NALF1: variants seen among roughly 807,000 people sequenced by gnomAD.
The protein encoded by NALF1 is NALCN channel auxiliary factor 1.
In NALF1, 3 loss-of-function variants were observed where a neutral mutation model predicts 48.4. That is an observed-to-expected ratio of 0.06 (90% confidence interval 0.03 to 0.16). The LOEUF (loss-of-function observed/expected upper bound fraction) is 0.16. NALF1 is among the 10% of genes least tolerant of loss of function. NALF1 has a pLI of 1.00. For synonymous variants in NALF1, 262 were observed against 245.7 expected, an observed-to-expected ratio of 1.07 and a Z score of -0.62; for missense variants, 526 against 571.5, an observed-to-expected ratio of 0.92 and a Z score of 0.81.
intron 1 of NALF1, among the ~76,000 whole-genome samples, chr13:107,828,388 T>C (rs9555413): frequency 0.071 from 10,786 of 152,100 alleles, 487 homozygotes; most frequent in East Asian, 0.2. Context: ...CAGCTGCAAC[T>C]GCATTCATAC....
intron 1 of NALF1, among the ~76,000 whole-genome samples, chr13:107,310,829 C>G (rs1236695798): frequency 6.6e-6 from 1 of 152,044 alleles, no homozygotes; most frequent in South Asian, 2.1e-4. Flanking sequence ...CGGCACCCAC[C>G]ACCACACCTG....
intron 1 of NALF1, among the ~76,000 whole-genome samples, chr13:107,259,000 T>C (rs1055988264): frequency 2.0e-5 from 3 of 152,118 alleles, no homozygotes; most frequent in Non-Finnish European, 4.4e-5. Flanking sequence ...GAGAACAGAC[T>C]CATATACCAT....
chr13:107,464,386 A>G (rs1489473737), intron 1 of NALF1, among the ~76,000 whole-genome samples: 2 of 152,228 alleles, frequency 1.3e-5, no homozygotes, highest in Non-Finnish European at 2.9e-5. Context: ...CACCAAAGTC[A>G]CACTGAAGTG....
Position 107,238,759 on chromosome 13 carries a change from C to T in NALF1, c.916-28004G>A, listed in dbSNP as rs113846067. Reference sequence around the variant, plus strand: ...CTAACTGTTCTTGTAAATTGCAGGGCAGGCAGCAGGTTCTATGAAACCCAA... The same window carrying T: ...CTAACTGTTCTTGTAAATTGCAGGGTAGGCAGCAGGTTCTATGAAACCCAA... On this transcript the variant is annotated intron_variant, in intron 1 of 2. Coordinates refer to ENST00000375915, the MANE Select transcript of NALF1 (RefSeq NM_001080396.3). Among the ~76,000 whole-genome samples the T allele has an allele frequency of 9.9e-3, 1,510 of 152,234 alleles. 27 individuals are homozygous for T. Among genetic ancestry groups the T allele is most frequent in the African/African-American group, 0.035 (1,442 of 41,534 alleles).
chr13:107,793,286 C>T (rs149202622), intron 1 of NALF1, among the ~76,000 whole-genome samples: 43 of 152,234 alleles, frequency 2.8e-4, no homozygotes, highest in African/African-American at 1.0e-3. Context: ...AAATAGTTAT[C>T]CGTGAATATC....
intron 1 of NALF1, among the ~76,000 whole-genome samples, chr13:107,633,725 A>G (rs1052467067): frequency 1.6e-4 from 5 of 30,654 alleles, no homozygotes; most frequent in South Asian, 2.5e-3. Context: ...GTGTGTGTAT[A>G]TATATATATA....
At chr13:107,615,572 T>C (rs1449900188) in intron 1 of NALF1, among the ~76,000 whole-genome samples, 1 of 152,164 alleles carries the variant, frequency 6.6e-6, no homozygotes, top group African/African-American at 2.4e-5. Context: ...AGCGAGGTCA[T>C]AACCTGGAGT....
At position 107,406,584 on chromosome 13, in the gene NALF1, C is replaced by T. The variant is rs559274594; in HGVS notation, c.916-195829G>A. On this transcript the variant is annotated intron_variant, in intron 1 of 2. Transcript: ENST00000375915. ...AATCAACATTGTCAAAATGTCTATA[C>T]TACCCAAAGCAATCTACAGATTTAA... Among the ~76,000 whole-genome samples, 18 of 152,012 alleles carry T rather than the reference C, an allele frequency of 1.2e-4. No homozygotes were observed. The South Asian group carries it at 3.7e-3, about 32-fold the overall frequency.
At chr13:107,688,326 C>G (rs1371456014) in intron 1 of NALF1, among the ~76,000 whole-genome samples, 1 of 152,112 alleles carries the variant, frequency 6.6e-6, no homozygotes, top group African/African-American at 2.4e-5. Context: ...TTTTTCCCAC[C>G]TGATGTTACT....
intron 1 of NALF1, among the ~76,000 whole-genome samples, chr13:107,303,734 A>G (rs950110236): frequency 1.3e-5 from 2 of 152,176 alleles, no homozygotes; most frequent in Non-Finnish European, 2.9e-5. Context: ...TCTCTTCAAG[A>G]AAATTTTTTT....
chr13:107,688,557 A>G (rs1284349799), intron 1 of NALF1, among the ~76,000 whole-genome samples: 1 of 152,206 alleles, frequency 6.6e-6, no homozygotes, highest in Non-Finnish European at 1.5e-5. Flanking sequence ...TGTTTTTAGA[A>G]CTTAACAGGA....
At chr13:107,547,756 G>C (rs1285339948) in intron 1 of NALF1, among the ~76,000 whole-genome samples, 2 of 152,160 alleles carry the variant, frequency 1.3e-5, no homozygotes, top group Admixed American at 6.5e-5. Context: ...GCATTTAACA[G>C]AGTGGTAATT....
chr13:107,535,024 A>G (rs149048135), intron 1 of NALF1, among the ~76,000 whole-genome samples: 200 of 152,246 alleles, frequency 1.3e-3, no homozygotes, highest in African/African-American at 4.8e-3. Context: ...TGATTTTTGC[A>G]CATTGATTTT....
At chr13:107,175,695 A>AG (rs1476360417) in intron 2 of NALF1, among the ~76,000 whole-genome samples, 26 of 152,332 alleles carry the variant, frequency 1.7e-4, no homozygotes, top group African/African-American at 5.5e-4. Flanking sequence ...TCTTTGCCTT[A>AG]TATAGAGTCA....
intron 1 of NALF1, among the ~76,000 whole-genome samples, chr13:107,463,892 T>G (rs1884957878): frequency 6.6e-6 from 1 of 152,348 alleles, no homozygotes; most frequent in African/African-American, 2.4e-5. Flanking sequence ...GCTCAGTTTC[T>G]TGCCCTTGGG....
intron 2 of NALF1, among the ~76,000 whole-genome samples, chr13:107,204,757 CT>C (rs1484207860): frequency 1.3e-5 from 2 of 151,954 alleles, no homozygotes; most frequent in African/African-American, 4.8e-5. Context: ...CTTCCCGTTT[CT>C]TTTTTGCCTT....
chr13:107,429,650 G>T (rs1367429747), intron 1 of NALF1, among the ~76,000 whole-genome samples: 1 of 152,158 alleles, frequency 6.6e-6, no homozygotes, highest in Admixed American at 6.5e-5. Flanking sequence ...ACTCAACAGG[G>T]TTATCAATGA....
At chr13:107,174,437 G>A (rs1412648455) in intron 2 of NALF1, among the ~76,000 whole-genome samples, 2 of 151,656 alleles carry the variant, frequency 1.3e-5, no homozygotes, top group African/African-American at 4.8e-5. Flanking sequence ...CTCACTGCAA[G>A]CTCTGCCTCC....
intron 1 of NALF1, among the ~76,000 whole-genome samples, chr13:107,424,338 A>G (rs772737334): frequency 6.6e-6 from 1 of 151,994 alleles, no homozygotes; most frequent in Non-Finnish European, 1.5e-5. Flanking sequence ...GAGTTTTGCC[A>G]CATTGCCCAG....
Sources: allele counts gnomAD v4.1 joint callset (sites outside exome capture counted in the v4.1 genomes callset), GRCh38; gene constraint gnomAD v4.1.1; transcripts MANE v1.5; gene names NCBI Gene and HGNC (gene_info 2026-07-23, HGNC 2026-07-21).